Variants in LRRC72 observed in about 807,000 individuals in gnomAD.
LRRC72 encodes leucine rich repeat containing 72, also known as leucine-rich repeat-containing protein 72.
Under a neutral mutation model 35.8 loss-of-function variants are expected in LRRC72, and 41 were observed. The observed-to-expected ratio is 1.15, with a 90% confidence interval of 0.89 to 1.49. The LOEUF is 1.49. LRRC72 is among the 40% of genes most tolerant of loss of function. The probability of loss-of-function intolerance (pLI) is 0.00; values close to 1 mark genes in which losing one functional copy is unlikely to be tolerated. For missense variants in LRRC72, 389 were observed against 330.7 expected (o/e 1.18, Z -1.37); for synonymous variants, 118 against 119.2 (o/e 0.99, Z 0.07).
intron 5 of LRRC72, among the ~76,000 whole-genome samples, chr7:16,564,642 T>G (rs761053974): frequency 4.6e-5 from 7 of 152,192 alleles, no homozygotes; most frequent in Non-Finnish European, 1.0e-4. Flanking sequence ...TAACTTTTGT[T>G]TATTATGTAC....
At chr7:16,534,597 C>G (rs952394052) in intron 2 of LRRC72, among the ~76,000 whole-genome samples, 1 of 151,970 alleles carries the variant, frequency 6.6e-6, no homozygotes, top group African/African-American at 2.4e-5. Flanking sequence ...AAACAACTTT[C>G]GCGCCACTGC....
intron 3 of LRRC72, among the ~76,000 whole-genome samples, chr7:16,548,592 C>T (rs1430100768): frequency 6.6e-6 from 1 of 152,212 alleles, no homozygotes; most frequent in Non-Finnish European, 1.5e-5. Flanking sequence ...GAAGCTGGTG[C>T]CCATGCCAAT....
At chr7:16,555,774 CAA>C (rs35487083) in intron 3 of LRRC72, among the ~76,000 whole-genome samples, 2 of 143,054 alleles carry the variant, frequency 1.4e-5, no homozygotes, top group African/African-American at 2.6e-5. Flanking sequence ...GACTCCATCT[CAA>C]AAAAAAAAAA....
At chr7:16,527,915 T>C (rs1181718083) in intron 1 of LRRC72, among the ~76,000 whole-genome samples, 1 of 152,154 alleles carries the variant, frequency 6.6e-6, no homozygotes, top group Admixed American at 6.5e-5. Flanking sequence ...TTCTAGATCC[T>C]CAGGCATCGG....
chr7:16,534,191 T>G (rs912314621), intron 2 of LRRC72, among the ~76,000 whole-genome samples: 2 of 152,194 alleles, frequency 1.3e-5, no homozygotes, highest in African/African-American at 4.8e-5. Context: ...CTTATCGATG[T>G]GTTCTTGAGT....
At chr7:16,537,187 C>T (rs191387843) in intron 2 of LRRC72, 1 of 153,380 alleles carries the variant, frequency 6.5e-6, no homozygotes, top group East Asian at 1.9e-4. Context: ...CCATCTGAGT[C>T]CAGTCTGGCC....
chr7:16,528,166 C>G (rs1438647085), intron 1 of LRRC72, among the ~76,000 whole-genome samples: 2 of 152,162 alleles, frequency 1.3e-5, no homozygotes, highest in Non-Finnish European at 2.9e-5. Flanking sequence ...TCCTCTGCCT[C>G]CTGCTGTCCT....
chr7:16,556,934 G>A (rs1387250309), intron 3 of LRRC72, among the ~76,000 whole-genome samples: 1 of 152,134 alleles, frequency 6.6e-6, no homozygotes, highest in African/African-American at 2.4e-5. Flanking sequence ...GACTCCTACA[G>A]ATGCAGAAAT....
chr7:16,567,670 A>G (rs892723930), intron 7 of LRRC72, 127 bp downstream of exon 7: 1 of 826,432 alleles, frequency 1.2e-6, no homozygotes, highest in African/African-American at 1.7e-5. Flanking sequence ...GTAATGGAAT[A>G]ATTTCTAATA....
intron 2 of LRRC72, among the ~76,000 whole-genome samples, chr7:16,535,490 T>A (rs1782238327): frequency 6.6e-6 from 1 of 152,168 alleles, no homozygotes. Flanking sequence ...TTTTTTATAA[T>A]CCCAAATCTA....
intron 7 of LRRC72, among the ~76,000 whole-genome samples, chr7:16,576,200 T>A (rs1783036935): frequency 6.6e-6 from 1 of 152,224 alleles, no homozygotes; most frequent in Admixed American, 6.5e-5. Flanking sequence ...TATTTTAGCA[T>A]ATCTTAATTA....
chr7:16,556,034 A>G (rs1452621400), intron 3 of LRRC72, among the ~76,000 whole-genome samples: 2 of 151,706 alleles, frequency 1.3e-5, no homozygotes, highest in Middle Eastern at 3.4e-3. Context: ...ATGCAAATAC[A>G]TCTTTTAAAT....
At chr7:16,536,647 CA>C (rs34838483) in intron 2 of LRRC72, among the ~76,000 whole-genome samples, 14,637 of 150,416 alleles carry the variant, frequency 0.097, 837 homozygotes, top group East Asian at 0.2. Flanking sequence ...AAAAAGTTGG[CA>C]AAAAAAAGGT....
At chr7:16,532,895 A>T (rs1164276197) in intron 2 of LRRC72, 1 of 324,320 alleles carries the variant, frequency 3.1e-6, no homozygotes, top group African/African-American at 2.1e-5. Context: ...GTTGAATTTG[A>T]ATTTCATAGA....
intron 1 of LRRC72, among the ~76,000 whole-genome samples, chr7:16,529,648 T>TAATATTTTGTAC (rs1782129702): frequency 6.6e-6 from 1 of 150,444 alleles, no homozygotes; most frequent in Admixed American, 6.6e-5. Flanking sequence ...ACTTTGATAT[T>TAATATTTTGTAC]AATATTTTGT....
rs563241776 is a variant in LRRC72 at position 16,568,710 on chromosome 7, T to TAAC, written c.670+1185_670+1187dup. Among the ~76,000 whole-genome samples, 158 of 151,818 alleles carry TAAC rather than the reference T, an allele frequency of 1.0e-3. 2 individuals carry two copies. The South Asian group carries it at 0.011, about 11-fold the overall frequency. Reference sequence around the variant, plus strand: ...TGAATCCAAACACAAAAAAGACACATAACAACAACAACAACAACAAGAGTC... The same window carrying TAAC: ...TGAATCCAAACACAAAAAAGACACATAACAACAACAACAACAACAACAAGAGTC... On this transcript the variant is annotated intron_variant, in intron 7 of 8. Transcript: ENST00000401542.
At position 16,558,920 on chromosome 7, in the gene LRRC72, C is replaced by A; in HGVS notation, c.348C>A (p.Leu116=). ...ATTATTTGCCTTCATTGCATATACT[C>A]CTGCTACACCACAATGAGCTAACCA... ...GLHYLPSLHI[L]LLHHNELTNI... Residue 116 remains leucine (L), a synonymous_variant, in exon 5 of 9, where the codon CTC becomes CTA. Coordinates refer to ENST00000401542, the MANE Select transcript of LRRC72 (RefSeq NM_001195280.2). The A allele has an allele frequency of 6.6e-7, 1 of 1,525,038 alleles. No individual in the cohort carries two copies. Among genetic ancestry groups the A allele is most frequent in the Non-Finnish European group, 8.8e-7 (1 of 1,131,802 alleles). 94.5% of individuals were successfully genotyped at this position (1,525,038 alleles called of 1,614,324 possible). A position where few individuals can be genotyped will look rare whatever the true frequency, so the allele number is the denominator to read the frequency against.
chr7:16,579,177 A>G (rs1324803181), intron 7 of LRRC72, among the ~76,000 whole-genome samples: 1 of 152,216 alleles, frequency 6.6e-6, no homozygotes, highest in African/African-American at 2.4e-5. Context: ...ATTGAGTGTG[A>G]TGATTATTTC....
chr7:16,571,219 A>AC (rs1044341144), intron 7 of LRRC72, among the ~76,000 whole-genome samples: 6 of 151,666 alleles, frequency 4.0e-5, no homozygotes, highest in Admixed American at 1.3e-4. Context: ...CATCTGAATG[A>AC]CCCTTCCTCT....
Sources: gnomAD v4.1 joint callset for allele counts (sites outside exome capture counted in the v4.1 genomes callset) on GRCh38, gnomAD v4.1.1 for gene constraint, MANE v1.5 for transcripts, NCBI Gene and HGNC (gene_info 2026-07-23, HGNC 2026-07-21) for gene names.